The following STARD13 variants were observed in gnomAD, a reference collection of about 807,000 sequenced individuals.
STARD13 encodes stAR-related lipid transfer protein 13.
Under a neutral mutation model 106.4 loss-of-function variants are expected in STARD13, and 62 were observed. That is an observed-to-expected ratio of 0.58 (90% CI 0.48 to 0.72). The LOEUF is 0.72. Ranked by LOEUF, STARD13 falls within the 30% of genes least tolerant of loss-of-function variation. The pLI, the probability that STARD13 is intolerant of heterozygous loss-of-function variation, is 0.00. For missense variants in STARD13, 1,387 were observed against 1,424.0 expected (o/e 0.97, Z 0.42); for synonymous variants, 565 against 553.0 (o/e 1.02, Z -0.31).
intron 3 of STARD13, among the ~76,000 whole-genome samples, chr13:33,155,133 C>T (rs1034648950): frequency 2.2e-4 from 33 of 152,124 alleles, no homozygotes; most frequent in African/African-American, 7.0e-4. Flanking sequence ...TCCCCAGCTC[C>T]GGGCCGGGCA....
At chr13:33,627,058 AT>A in the STARD13 span, among the ~76,000 whole-genome samples, 1 of 152,260 alleles carries the variant, frequency 6.6e-6, no homozygotes, top group African/African-American at 2.4e-5. Context: ...TCCCTTTATC[AT>A]TTTCAGATCA....
intron 1 of STARD13, among the ~76,000 whole-genome samples, chr13:33,291,573 C>T (rs1892294236): frequency 6.6e-6 from 1 of 152,148 alleles, no homozygotes; most frequent in African/African-American, 2.4e-5. Flanking sequence ...TCTATATTCA[C>T]TCATTCATAA....
the STARD13 span, among the ~76,000 whole-genome samples, chr13:33,672,919 T>G: frequency 6.6e-6 from 1 of 152,238 alleles, no homozygotes; most frequent in Non-Finnish European, 1.5e-5. Flanking sequence ...TAGGATCCAT[T>G]GGCATCTCTT....
the STARD13 span, among the ~76,000 whole-genome samples, chr13:33,603,888 ACCACATTT>A: frequency 1.1e-4 from 17 of 152,306 alleles, no homozygotes; most frequent in Admixed American, 1.0e-3. Context: ...ACAAAGCAAT[ACCACATTT>A]AGAGTTCCTA....
chr13:33,651,643 A>T, the STARD13 span, among the ~76,000 whole-genome samples: 1 of 152,220 alleles, frequency 6.6e-6, no homozygotes, highest in African/African-American at 2.4e-5. Flanking sequence ...AGATTTTTAC[A>T]GCTGGTTAAC....
At chr13:33,461,384 C>CTAAACAATGCTAAGTGT in the STARD13 span, among the ~76,000 whole-genome samples, 1 of 152,008 alleles carries the variant, frequency 6.6e-6, no homozygotes, top group South Asian at 2.1e-4. Context: ...ATGCTAAGTG[C>CTAAACAATGCTAAGTGT]TTGTGCTAAG....
the STARD13 span, among the ~76,000 whole-genome samples, chr13:33,395,831 CATTT>C: frequency 1.3e-5 from 2 of 151,902 alleles, no homozygotes; most frequent in African/African-American, 2.4e-5. Flanking sequence ...TCCTTTTAAA[CATTT>C]ATTTATTTAT....
At chr13:33,417,801 GGT>G in the STARD13 span, among the ~76,000 whole-genome samples, 2 of 152,096 alleles carry the variant, frequency 1.3e-5, no homozygotes, top group African/African-American at 4.8e-5. Context: ...ATTGCTAATG[GGT>G]GAGGGATTTC....
chr13:33,438,993 T>C, the STARD13 span, among the ~76,000 whole-genome samples: 3 of 152,314 alleles, frequency 2.0e-5, no homozygotes, highest in Non-Finnish European at 4.4e-5. Flanking sequence ...ATCTACAAGA[T>C]ATGAAGAATA....
downstream of STARD13, among the ~76,000 whole-genome samples, chr13:33,344,562 C>A (rs116552245): frequency 2.0e-3 from 305 of 152,288 alleles, 1 homozygote; most frequent in African/African-American, 7.2e-3. Context: ...AAGTCCCAAT[C>A]TTGTGTTTAT....
At chr13:33,639,286 A>G in the STARD13 span, among the ~76,000 whole-genome samples, 1 of 152,152 alleles carries the variant, frequency 6.6e-6, no homozygotes, top group Non-Finnish European at 1.5e-5. Context: ...GAATACTTGT[A>G]CCAAGGCCAT....
At chr13:33,126,021 C>G (rs1877102921) in intron 7 of STARD13, 60 bp downstream of exon 7, 3 of 1,592,472 alleles carry the variant, frequency 1.9e-6, no homozygotes, top group Non-Finnish European at 2.6e-6. Flanking sequence ...TCTGACATCC[C>G]CTCAATCCAA....
chr13:33,434,893 A>AGAAGGAAG, the STARD13 span, among the ~76,000 whole-genome samples: 29,219 of 130,224 alleles, frequency 0.22, 3,590 homozygotes, highest in Non-Finnish European at 0.26. Flanking sequence ...AGGGAAGGAA[A>AGAAGGAAG]GAAGGAAGGA....
chr13:33,604,288 A>G, the STARD13 span, among the ~76,000 whole-genome samples: 1 of 152,232 alleles, frequency 6.6e-6, no homozygotes, highest in Admixed American at 6.5e-5. Flanking sequence ...TCTAAAATTT[A>G]TGAAATTCAT....
chr13:33,288,579 A>ATT (rs551727420), upstream of STARD13, among the ~76,000 whole-genome samples: 1 of 146,978 alleles, frequency 6.8e-6, no homozygotes, highest in Non-Finnish European at 1.5e-5. Flanking sequence ...TTGGCCCTAC[A>ATT]TTTTTTTTTT....
the STARD13 span, among the ~76,000 whole-genome samples, chr13:33,608,616 G>A: frequency 2.6e-5 from 4 of 152,148 alleles, no homozygotes; most frequent in African/African-American, 9.7e-5. Context: ...GTGGTGATAA[G>A]GTAGACTCTT....
chr13:33,636,416 T>C, the STARD13 span, among the ~76,000 whole-genome samples: 2 of 152,122 alleles, frequency 1.3e-5, no homozygotes, highest in Non-Finnish European at 2.9e-5. Context: ...GTAAAATTCA[T>C]TATCCAAACC....
At chr13:33,589,171 A>G in the STARD13 span, among the ~76,000 whole-genome samples, 1 of 151,982 alleles carries the variant, frequency 6.6e-6, no homozygotes, top group Non-Finnish European at 1.5e-5. Context: ...TATTGCATCT[A>G]TTTGATTCTT....
At chr13:33,188,453 A>C (rs1398967349) in intron 1 of STARD13, among the ~76,000 whole-genome samples, 1 of 152,126 alleles carries the variant, frequency 6.6e-6, no homozygotes, top group Non-Finnish European at 1.5e-5. Context: ...ATTCTGAGAA[A>C]AATTTCTGGT....
Sources: gnomAD v4.1 joint callset for allele counts (sites outside exome capture counted in the v4.1 genomes callset) on GRCh38, gnomAD v4.1.1 for gene constraint, MANE v1.5 for transcripts, NCBI Gene and HGNC (gene_info 2026-07-23, HGNC 2026-07-21) for gene names.